ABHD2: variants seen among roughly 807,000 people sequenced by gnomAD.
The protein encoded by ABHD2 is monoacylglycerol lipase ABHD2.
In ABHD2, 20 loss-of-function variants were observed where a neutral mutation model predicts 48.1. That is an observed-to-expected ratio of 0.42 (90% CI 0.29 to 0.60). The LOEUF (loss-of-function observed/expected upper bound fraction) is 0.60. Among genes scored for constraint, ABHD2 ranks in the 20% least tolerant of loss-of-function variants. The pLI is 0.24. For synonymous variants in ABHD2, 209 were observed against 214.2 expected (o/e 0.98, Z 0.21); for missense variants, 405 against 550.9 (o/e 0.74, Z 2.65).
chr15:89,121,265 T>C (rs1184331061), intron 3 of ABHD2, among the ~76,000 whole-genome samples: 1 of 152,144 alleles, frequency 6.6e-6, no homozygotes, highest in Non-Finnish European at 1.5e-5. Flanking sequence ...CATGGTGCCC[T>C]TCAGCACGGA....
At chr15:89,181,043 T>C (rs954705705) in intron 6 of ABHD2, among the ~76,000 whole-genome samples, 2 of 151,916 alleles carry the variant, frequency 1.3e-5, no homozygotes, top group Admixed American at 6.6e-5. Flanking sequence ...CTGACCAACA[T>C]GGTGAAACAC....
Position 89,114,404 on chromosome 15 carries a change from T to C in ABHD2, c.-7+580T>C, listed in dbSNP as rs573102884. ...AAGTTAAGGATCCTTGTTTTAGGGGTTTATAGACAGCTTTCAGGGGATATG... is the reference window on the plus strand; with the variant it reads ...AAGTTAAGGATCCTTGTTTTAGGGGCTTATAGACAGCTTTCAGGGGATATG... On this transcript the variant is annotated intron_variant, in intron 2 of 10. Coordinates refer to ENST00000352732, the MANE Select transcript of ABHD2 (RefSeq NM_152924.5). This position sits in a 1 kb window ranked among gnomAD's most constrained non-coding sequence, Gnocchi z 4.2. 1.3e-5 allele frequency among the ~76,000 whole-genome samples: 2 copies of C among 152,172 alleles called. No individual in the cohort carries two copies. The highest frequency in any genetic ancestry group is 2.1e-4 in the South Asian group (1 of 4,820).
At chr15:89,193,786 CA>C (rs1243644209) in intron 10 of ABHD2, among the ~76,000 whole-genome samples, 1 of 152,008 alleles carries the variant, frequency 6.6e-6, no homozygotes, top group Admixed American at 6.5e-5. Context: ...CCTATCTCTA[CA>C]AAAAACTTAA....
chr15:89,115,134 C>G (rs1268041991), intron 2 of ABHD2, among the ~76,000 whole-genome samples: 2 of 152,140 alleles, frequency 1.3e-5, no homozygotes, highest in African/African-American at 4.8e-5. Context: ...TACCAGAGCT[C>G]TCATGATGAC....
chr15:89,067,011 T>C, the ABHD2 span, among the ~76,000 whole-genome samples: 2 of 152,194 alleles, frequency 1.3e-5, no homozygotes, highest in Non-Finnish European at 2.9e-5. Context: ...CTCTTTCTGC[T>C]CCAGATTCTA....
At chr15:89,113,224 GGCC>G (rs2049903699) in intron 1 of ABHD2, among the ~76,000 whole-genome samples, 1 of 152,116 alleles carries the variant, frequency 6.6e-6, no homozygotes, top group Non-Finnish European at 1.5e-5. Context: ...TTTTGCTTTT[GGCC>G]CTGTTCTGTT....
chr15:89,128,400 C>T (rs1181345288), intron 3 of ABHD2, among the ~76,000 whole-genome samples: 1 of 152,164 alleles, frequency 6.6e-6, no homozygotes, highest in African/African-American at 2.4e-5. Context: ...GTCCTTTTGT[C>T]CTGTGGGCCT....
At position 89,186,191 on chromosome 15, in the gene ABHD2, A is replaced by C. The variant is rs1368263951; in HGVS notation, c.815+675A>C. 1.3e-5 allele frequency among the ~76,000 whole-genome samples: 2 copies of C among 152,178 alleles called. No homozygotes were observed. The highest frequency in any genetic ancestry group is 1.3e-4 in the Admixed American group (2 of 15,282). On this transcript the variant is annotated intron_variant, in intron 7 of 10. Coordinates refer to ENST00000352732, the MANE Select transcript of ABHD2 (RefSeq NM_152924.5). The surrounding 1 kb of genome is among the most constrained non-coding windows in gnomAD (Gnocchi z 4.3). ...TTGGCTGGCGCTTGGGCTTCTGACC[A>C]AGCAGCAGCGGGACAGGAGGCTCAG...
rs904200283 is a variant in ABHD2, at chr15:89,188,798, G to A, written c.926+495G>A. On this transcript the variant is annotated intron_variant, in intron 8 of 10. Coordinates refer to ENST00000352732, the MANE Select transcript of ABHD2 (RefSeq NM_152924.5). The surrounding 1 kb of genome is among the most constrained non-coding windows in gnomAD (Gnocchi z 4.1). Reference sequence around the variant, plus strand: ...GGAGGTCATGGGGGAAAGATCGCTTGAGCCCAGGAGGTTGAAGCTGCAGTG... The same window carrying A: ...GGAGGTCATGGGGGAAAGATCGCTTAAGCCCAGGAGGTTGAAGCTGCAGTG... Among the ~76,000 whole-genome samples, 3 of 151,758 alleles carry A rather than the reference G, an allele frequency of 2.0e-5. No individual in the cohort carries two copies. The highest frequency in any genetic ancestry group is 4.4e-5 in the Non-Finnish European group (3 of 67,986).
the ABHD2 span, among the ~76,000 whole-genome samples, chr15:89,061,771 G>T: frequency 3.9e-3 from 586 of 152,118 alleles, 3 homozygotes; most frequent in African/African-American, 0.011. Context: ...ACGGGGTTTT[G>T]CCATGTTGCC....
Position 89,177,799 on chromosome 15 carries a change from A to C in ABHD2, c.722+1804A>C, listed in dbSNP as rs142303099. ...GCCCAGTCACTGGGATAAGAAAGAC[A>C]TGAGCAAGGGGCCTACCCCAGGATC... On this transcript the variant is annotated intron_variant, in intron 6 of 10. Transcript: ENST00000352732. The surrounding 1 kb of genome is among the most constrained non-coding windows in gnomAD (Gnocchi z 5.6). Among the ~76,000 whole-genome samples, 9 of 152,292 alleles carry C rather than the reference A, an allele frequency of 5.9e-5. No homozygotes were observed. The highest frequency in any genetic ancestry group is 5.8e-4 in the East Asian group (3 of 5,176).
chr15:89,142,558 T>C (rs2050421582), intron 3 of ABHD2, among the ~76,000 whole-genome samples: 1 of 152,180 alleles, frequency 6.6e-6, no homozygotes, highest in South Asian at 2.1e-4. Flanking sequence ...TAGAGCACGG[T>C]AACTATTTCC....
At chr15:89,124,217 C>T (rs2050098051) in intron 3 of ABHD2, among the ~76,000 whole-genome samples, 1 of 152,180 alleles carries the variant, frequency 6.6e-6, no homozygotes, top group African/African-American at 2.4e-5. Context: ...CTAAAGAGCA[C>T]GGGACTCCAT....
chr15:89,134,955 C>G (rs2150852985), intron 3 of ABHD2, among the ~76,000 whole-genome samples: 1 of 152,144 alleles, frequency 6.6e-6, no homozygotes, highest in South Asian at 2.1e-4. Flanking sequence ...CATTGCTTGC[C>G]ATTTTATGAG....
chr15:89,196,062 C>G lies in ABHD2; in HGVS notation c.*639C>G, dbSNP rs973771672. 6.6e-6 allele frequency: 1 copy of G among 152,610 alleles called. No individual in the cohort carries two copies. Among genetic ancestry groups the G allele is most frequent in the African/African-American group, 2.4e-5 (1 of 41,448 alleles). 9.5% of individuals were successfully genotyped at this position (152,610 alleles called of 1,614,324 possible). On this transcript the variant is annotated 3_prime_UTR_variant, in exon 11 of 11. Transcript: ENST00000352732. ...TTGTTAAAAATTCAGCCTCCCAGGT[C>G]CCTCCCCTCGGAGAGGCTGATTCAC... is the stretch of plus-strand genomic sequence containing the variant.
intron 3 of ABHD2, among the ~76,000 whole-genome samples, chr15:89,148,557 A>G (rs1054867645): frequency 1.3e-5 from 2 of 152,360 alleles, no homozygotes; most frequent in South Asian, 4.1e-4. Context: ...ACAAAATGTA[A>G]AACGCACATA....
rs72760639 is a variant in ABHD2 at position 89,104,808 on chromosome 15, C to G, written c.-106-8917C>G. Among the ~76,000 whole-genome samples the G allele has an allele frequency of 0.014, 2,205 of 152,262 alleles. 20 individuals are homozygous for G. Among genetic ancestry groups the G allele is most frequent in the Non-Finnish European group, 0.024 (1,600 of 68,008 alleles). ...CCAGACATAGAAGAGTGGGTGGCAT[C>G]TCTATGGTGCCCAGGACAATCAATC... is the stretch of plus-strand genomic sequence containing the variant. On this transcript the variant is annotated intron_variant, in intron 1 of 10. Coordinates refer to ENST00000352732, the MANE Select transcript of ABHD2 (RefSeq NM_152924.5). This position sits in a 1 kb window ranked among gnomAD's most constrained non-coding sequence, Gnocchi z 4.4.
intron 3 of ABHD2, among the ~76,000 whole-genome samples, chr15:89,134,521 G>C (rs141845081): frequency 6.6e-6 from 1 of 152,228 alleles, no homozygotes; most frequent in Non-Finnish European, 1.5e-5. Context: ...GCAGATTGCA[G>C]CTTTGTACTA....
chr15:89,142,874 G>A (rs1158826757), intron 3 of ABHD2, among the ~76,000 whole-genome samples: 1 of 152,186 alleles, frequency 6.6e-6, no homozygotes, highest in Non-Finnish European at 1.5e-5. Context: ...ATTGAATGCA[G>A]GAGGGGTTGA....
Sources: gnomAD v4.1 joint callset for allele counts (sites outside exome capture counted in the v4.1 genomes callset) on GRCh38, gnomAD v4.1.1 for gene constraint, Gnocchi (gnomAD v3.1) non-coding constraint, MANE v1.5 for transcripts, NCBI Gene and HGNC (gene_info 2026-07-23, HGNC 2026-07-21) for gene names.